Variants in NIM1K observed in about 807,000 individuals in gnomAD.
The protein encoded by NIM1K is NIM1 serine/threonine protein kinase.
NIM1K carries 35 observed loss-of-function variants against 37.1 expected under a neutral mutation model. That is an observed-to-expected ratio of 0.94 (90% CI 0.72 to 1.25). The LOEUF is 1.25. Ranked by LOEUF, NIM1K falls within the 50% of genes most tolerant of loss-of-function variation. NIM1K has a pLI of 0.00. For missense variants in NIM1K, 564 were observed against 548.0 expected, an observed-to-expected ratio of 1.03 and a Z score of -0.29; for synonymous variants, 234 against 206.6, an observed-to-expected ratio of 1.13 and a Z score of -1.14.
At chr5:43,259,303 C>T (rs933115970) in intron 2 of NIM1K, among the ~76,000 whole-genome samples, 20 of 152,136 alleles carry the variant, frequency 1.3e-4, no homozygotes, top group Admixed American at 1.1e-3. Context: ...GGTAGATCTA[C>T]TCTCAGATTT....
At chr5:43,192,658 G>A (rs1751850529) in intron 1 of NIM1K, among the ~76,000 whole-genome samples, 1 of 152,254 alleles carries the variant, frequency 6.6e-6, no homozygotes. Flanking sequence ...GAGCCAGGGC[G>A]AGAGCGTGCT....
chr5:43,277,406 A>G, intron 3 of NIM1K, 81 bp downstream of exon 3: 1 of 1,432,820 alleles, frequency 7.0e-7, no homozygotes, highest in Non-Finnish European at 9.5e-7. Context: ...CTAACCCTCA[A>G]GTGTCCCAGA....
intron 1 of NIM1K, among the ~76,000 whole-genome samples, chr5:43,194,232 A>G (rs1456069925): frequency 1.3e-5 from 2 of 152,146 alleles, no homozygotes; most frequent in Non-Finnish European, 2.9e-5. Flanking sequence ...TTAGCTTTCT[A>G]ATTAGGAGAT....
chr5:43,197,959 C>T (rs1223950454), intron 1 of NIM1K, among the ~76,000 whole-genome samples: 4 of 152,128 alleles, frequency 2.6e-5, no homozygotes, highest in East Asian at 1.9e-4. Context: ...GAACTGAACA[C>T]GTCATCTTGA....
chr5:43,244,871 TA>T (rs982934922), intron 1 of NIM1K, among the ~76,000 whole-genome samples: 1 of 152,194 alleles, frequency 6.6e-6, no homozygotes, highest in African/African-American at 2.4e-5. Context: ...GTACGGACCT[TA>T]GGGGCTTTTC....
chr5:43,280,216 T>A lies in NIM1K; in HGVS notation c.798T>A (p.Thr266=). 1.9e-6 allele frequency: 3 copies of A among 1,614,190 alleles called. No homozygotes were observed. Among genetic ancestry groups the A allele is most frequent in the Middle Eastern group, 1.6e-4 (1 of 6,062 alleles). ...ALGVLLYFMV[T]GTMPFRAETV... is the part of the protein sequence containing the mutation. ...GGGTGCTTTTGTACTTCATGGTGAC[T>A]GGCACCATGCCATTTCGGGCAGAAA... The change falls in exon 4 of 4, where the codon ACT becomes ACA. Residue 266 remains threonine (T), a synonymous_variant. Transcript: ENST00000326035.
At chr5:43,252,694 C>T (rs1419511359) in intron 2 of NIM1K, among the ~76,000 whole-genome samples, 3 of 152,096 alleles carry the variant, frequency 2.0e-5, no homozygotes, top group Admixed American at 6.5e-5. Flanking sequence ...TTGGAATTCC[C>T]TTGGGCTCTC....
intron 1 of NIM1K, among the ~76,000 whole-genome samples, chr5:43,242,252 A>G (rs1472846043): frequency 3.9e-5 from 6 of 151,930 alleles, no homozygotes; most frequent in Non-Finnish European, 8.8e-5. Context: ...CCTGGGAGGC[A>G]CCTGAAGTCT....
At position 43,280,847 on chromosome 5, in the gene NIM1K, T is replaced by C. The variant is rs528277296; in HGVS notation, c.*118T>C. On this transcript the variant is annotated 3_prime_UTR_variant, in exon 4 of 4. Transcript: ENST00000326035. ...TTTAAATAAACTTAAATTTGAGATATGCATTTTTTTTCTCCAAAAAGTCTA... is the reference window on the plus strand; with the variant it reads ...TTTAAATAAACTTAAATTTGAGATACGCATTTTTTTTCTCCAAAAAGTCTA... The C allele has an allele frequency of 9.2e-6, 9 of 982,516 alleles. No homozygotes were observed. Among genetic ancestry groups the C allele is most frequent in the Non-Finnish European group, 4.4e-6 (3 of 683,300 alleles). The allele number at this position is 982,516 out of a possible 1,614,324, so 60.9% of individuals were successfully genotyped here. A position where few individuals can be genotyped will look rare whatever the true frequency, so the allele number is the denominator to read the frequency against.
At chr5:43,214,103 C>T (rs1013193265) in intron 1 of NIM1K, among the ~76,000 whole-genome samples, 1 of 152,022 alleles carries the variant, frequency 6.6e-6, no homozygotes, top group Non-Finnish European at 1.5e-5. Flanking sequence ...CCACACCCAG[C>T]CAAAAATATC....
intron 1 of NIM1K, among the ~76,000 whole-genome samples, chr5:43,229,916 G>A (rs1752513641): frequency 6.6e-6 from 1 of 151,592 alleles, no homozygotes; most frequent in Non-Finnish European, 1.5e-5. Context: ...ACAGGTGTGA[G>A]CCACCAAGCC....
At position 43,243,751 on chromosome 5, in the gene NIM1K, C is replaced by T. The variant is rs569296282; in HGVS notation, c.-694-1331C>T. The stretch of plus-strand genomic sequence containing the variant: ...AGTACAGTGGCTTGATCTCAGCTCA[C>T]TGCAACCTCCACTTCCTGGGCTCAA... On this transcript the variant is annotated intron_variant, in intron 1 of 3. Coordinates refer to ENST00000326035, the MANE Select transcript of NIM1K (RefSeq NM_153361.4). 2.6e-5 allele frequency among the ~76,000 whole-genome samples: 4 copies of T among 152,302 alleles called. No individual in the cohort carries two copies. The East Asian group carries it at 7.7e-4, about 29-fold the overall frequency.
chr5:43,207,286 A>C, intron 1 of NIM1K: 1 of 760,256 alleles, frequency 1.3e-6, no homozygotes, highest in South Asian at 1.3e-5. Context: ...TGGGAGAGAG[A>C]GATGGGGGCA....
intron 1 of NIM1K, chr5:43,193,497 G>A (rs1249575303): frequency 7.3e-6 from 1 of 137,720 alleles, no homozygotes; most frequent in East Asian, 2.3e-4. Flanking sequence ...AAATAAGAGC[G>A]AATGAATCAC....
chr5:43,227,810 T>C (rs948769819), intron 1 of NIM1K, among the ~76,000 whole-genome samples: 2 of 152,088 alleles, frequency 1.3e-5, no homozygotes, highest in Admixed American at 6.6e-5. Flanking sequence ...GACTTAAGGG[T>C]TTTTTTCACA....
chr5:43,212,115 G>A (rs1402247381), intron 1 of NIM1K, among the ~76,000 whole-genome samples: 1 of 152,104 alleles, frequency 6.6e-6, no homozygotes, highest in African/African-American at 2.4e-5. Flanking sequence ...GTCTGCTGGT[G>A]CCTTAAAGCA....
chr5:43,267,403 C>T (rs745885282), intron 2 of NIM1K, among the ~76,000 whole-genome samples: 1 of 152,008 alleles, frequency 6.6e-6, no homozygotes, highest in Non-Finnish European at 1.5e-5. Context: ...TTCAAAGAAC[C>T]AACTTTTTGT....
At chr5:43,223,461 A>G (rs1226766155) in intron 1 of NIM1K, among the ~76,000 whole-genome samples, 2 of 152,230 alleles carry the variant, frequency 1.3e-5, no homozygotes, top group African/African-American at 4.8e-5. Flanking sequence ...AAGGGCCAGA[A>G]TAGTTCATTG....
chr5:43,201,116 C>T (rs1459581640), intron 1 of NIM1K, among the ~76,000 whole-genome samples: 1 of 124,564 alleles, frequency 8.0e-6, no homozygotes. Flanking sequence ...CAGAGCCAGA[C>T]AACATCTCAA....
Sources: allele counts gnomAD v4.1 joint callset (sites outside exome capture counted in the v4.1 genomes callset), GRCh38; gene constraint gnomAD v4.1.1; transcripts MANE v1.5; gene names NCBI Gene and HGNC (gene_info 2026-07-23, HGNC 2026-07-21).